Variants in GABRB3 observed in about 807,000 individuals in gnomAD.
GABRB3 encodes the protein gamma-aminobutyric acid receptor subunit beta-3.
Under a neutral mutation model 52.1 loss-of-function variants are expected in GABRB3, and 14 were observed. That is an observed-to-expected ratio of 0.27 (90% CI 0.18 to 0.42). The LOEUF (loss-of-function observed/expected upper bound fraction) is 0.42, where lower values mean the gene tolerates loss of function less well. Ranked by LOEUF, GABRB3 falls within the 10% of genes least tolerant of loss-of-function variation. The probability of loss-of-function intolerance (pLI) is 1.00; values close to 1 mark genes in which losing one functional copy is unlikely to be tolerated. For missense variants in GABRB3, 307 were observed against 609.1 expected (o/e 0.50, Z 5.22); for synonymous variants, 260 against 232.3 (o/e 1.12, Z -1.08).
At chr15:26,687,318 A>G (rs1479352281) in intron 3 of GABRB3, among the ~76,000 whole-genome samples, 3 of 152,228 alleles carry the variant, frequency 2.0e-5, no homozygotes, top group Non-Finnish European at 4.4e-5. Context: ...TCTGGTGAAG[A>G]TTTTAAAATT....
chr15:26,755,478 A>T (rs4243766), intron 3 of GABRB3, among the ~76,000 whole-genome samples: 32,538 of 152,108 alleles, frequency 0.21, 4,381 homozygotes, highest in East Asian at 0.44. Flanking sequence ...ATATAATTAA[A>T]TTAAAGTCAA....
intron 3 of GABRB3, among the ~76,000 whole-genome samples, chr15:26,703,231 T>C (rs1369614734): frequency 6.6e-6 from 1 of 152,208 alleles, no homozygotes; most frequent in African/African-American, 2.4e-5. Context: ...AGGCTGGAAA[T>C]TCCAAGATTC....
intron 3 of GABRB3, among the ~76,000 whole-genome samples, chr15:26,629,398 C>G (rs1892845523): frequency 6.6e-6 from 1 of 152,170 alleles, no homozygotes. Context: ...GAGGGTGGGC[C>G]TGATTAGATT....
rs139687677 is a variant in GABRB3 at position 26,603,953 on chromosome 15, C to T, written c.461+17361G>A. On this transcript the variant is annotated intron_variant, in intron 4 of 8. Transcript: ENST00000311550. ...AATCAAACAAGAGAAAAATAAAAGA[C>T]ATCCAAATTAGAAAGGAAGAAGTCA... Among the ~76,000 whole-genome samples, 807 of 152,138 alleles carry T rather than the reference C, an allele frequency of 5.3e-3. 5 individuals carry two copies. The highest frequency in any genetic ancestry group is 0.018 in the African/African-American group (753 of 41,536).
chr15:26,740,326 G>T (rs1313271951), intron 3 of GABRB3, among the ~76,000 whole-genome samples: 3 of 152,130 alleles, frequency 2.0e-5, no homozygotes, highest in Admixed American at 6.5e-5. Context: ...CAATGGGGTA[G>T]AAGTAGTGAT....
At chr15:26,772,605 GC>G (rs1237701171) in intron 2 of GABRB3, 75 bp downstream of exon 2, 2 of 1,444,870 alleles carry the variant, frequency 1.4e-6, no homozygotes, top group Non-Finnish European at 1.9e-6. Flanking sequence ...CGCGGATGCG[GC>G]CCCCGCCTCC....
chr15:26,656,598 T>C (rs1887379734), intron 3 of GABRB3, among the ~76,000 whole-genome samples: 1 of 152,216 alleles, frequency 6.6e-6, no homozygotes, highest in African/African-American at 2.4e-5. Flanking sequence ...CTGCCTGAGC[T>C]TGGCCCCCTG....
chr15:26,661,047 A>G (rs969401391), intron 3 of GABRB3, among the ~76,000 whole-genome samples: 4 of 152,156 alleles, frequency 2.6e-5, no homozygotes, highest in Admixed American at 2.6e-4. Context: ...TGGTCTCCCA[A>G]AATCCTGGGA....
At chr15:26,752,088 A>C (rs1266306596) in intron 3 of GABRB3, among the ~76,000 whole-genome samples, 3 of 152,146 alleles carry the variant, frequency 2.0e-5, no homozygotes, top group Non-Finnish European at 4.4e-5. Context: ...GAGCCTCCTC[A>C]TGCACACCTT....
At chr15:26,626,578 A>T (rs1429186193) in intron 3 of GABRB3, among the ~76,000 whole-genome samples, 2 of 152,228 alleles carry the variant, frequency 1.3e-5, no homozygotes, top group Non-Finnish European at 2.9e-5. Context: ...TACTCTGGGG[A>T]ATGATAAGAA....
chr15:26,644,455 G>A (rs1216859716), intron 3 of GABRB3, among the ~76,000 whole-genome samples: 2 of 152,180 alleles, frequency 1.3e-5, no homozygotes, highest in Non-Finnish European at 2.9e-5. Flanking sequence ...GAAGGAGGAG[G>A]CAGAGATCAG....
chr15:26,764,333 A>G (rs1042535715), intron 3 of GABRB3, among the ~76,000 whole-genome samples: 4 of 150,756 alleles, frequency 2.7e-5, no homozygotes, highest in African/African-American at 9.8e-5. Context: ...TAATCAATAG[A>G]ATTCATATCC....
chr15:26,620,596 ACAACC>A (rs561910028), intron 4 of GABRB3, among the ~76,000 whole-genome samples: 24 of 152,314 alleles, frequency 1.6e-4, no homozygotes, highest in African/African-American at 4.8e-4. Flanking sequence ...TCTAAATAAA[ACAACC>A]CAAAAATCAG....
At chr15:26,622,413 A>C (rs1427463849) in intron 3 of GABRB3, among the ~76,000 whole-genome samples, 2 of 152,236 alleles carry the variant, frequency 1.3e-5, no homozygotes, top group African/African-American at 4.8e-5. Flanking sequence ...AGAATGACCA[A>C]GTCTAAAAAT....
chr15:26,718,252 A>C (rs1409051803), intron 3 of GABRB3, among the ~76,000 whole-genome samples: 1 of 152,098 alleles, frequency 6.6e-6, no homozygotes, highest in African/African-American at 2.4e-5. Flanking sequence ...CTTGTTACCC[A>C]GGCTGGAGTG....
intron 3 of GABRB3, among the ~76,000 whole-genome samples, chr15:26,769,168 G>C (rs1891076506): frequency 6.6e-6 from 1 of 152,134 alleles, no homozygotes; most frequent in Admixed American, 6.6e-5. Context: ...AAAAACTCTT[G>C]AACAAATGCA....
chr15:26,696,760 A>C (rs1888752122), intron 3 of GABRB3, among the ~76,000 whole-genome samples: 1 of 152,184 alleles, frequency 6.6e-6, no homozygotes, highest in Admixed American at 6.5e-5. Context: ...AGAGGGTCTC[A>C]GGGACCCACA....
chr15:26,642,237 G>A (rs559103972), intron 3 of GABRB3, among the ~76,000 whole-genome samples: 1 of 152,130 alleles, frequency 6.6e-6, no homozygotes, highest in African/African-American at 2.4e-5. Flanking sequence ...CATATCCACC[G>A]GTTCTGAATC....
intron 4 of GABRB3, among the ~76,000 whole-genome samples, chr15:26,601,517 C>G (rs1188945385): frequency 6.6e-6 from 1 of 151,848 alleles, no homozygotes; most frequent in East Asian, 1.9e-4. Flanking sequence ...ACAAAATAAC[C>G]AGAAAATAAC....
Sources: gnomAD v4.1 joint callset for allele counts (sites outside exome capture counted in the v4.1 genomes callset) on GRCh38, gnomAD v4.1.1 for gene constraint, MANE v1.5 for transcripts, NCBI Gene and HGNC (gene_info 2026-07-23, HGNC 2026-07-21) for gene names.